Variants in LYPD6B observed in about 807,000 individuals in gnomAD.
LYPD6B encodes the protein LY6/PLAUR domain containing 6B.
LYPD6B carries 17 observed loss-of-function variants against 22.8 expected under a neutral mutation model. The ratio of observed to expected loss-of-function variants is 0.75; its 90% confidence interval spans 0.51 to 1.12. The LOEUF (loss-of-function observed/expected upper bound fraction) is 1.12, where lower values mean the gene tolerates loss of function less well. LYPD6B is among the 50% of genes most tolerant of loss of function. The probability of loss-of-function intolerance (pLI) is 0.00; values close to 1 mark genes in which losing one functional copy is unlikely to be tolerated. For missense variants in LYPD6B, 221 were observed against 258.3 expected, an observed-to-expected ratio of 0.86 and a Z score of 0.99; for synonymous variants, 106 against 91.6, an observed-to-expected ratio of 1.16 and a Z score of -0.90.
intron 3 of LYPD6B, among the ~76,000 whole-genome samples, chr2:149,199,144 T>A (rs1693005894): frequency 6.6e-6 from 1 of 152,196 alleles, no homozygotes; most frequent in Admixed American, 6.5e-5. Context: ...CACCTAAGAT[T>A]TCTTGAACCC....
chr2:149,201,971 G>T (rs1028044077), intron 3 of LYPD6B, among the ~76,000 whole-genome samples: 1 of 152,134 alleles, frequency 6.6e-6, no homozygotes, highest in Non-Finnish European at 1.5e-5. Flanking sequence ...AATGATAATG[G>T]CACTAGGGTT....
At chr2:149,089,605 A>C (rs760198816) in intron 1 of LYPD6B, among the ~76,000 whole-genome samples, 4 of 152,202 alleles carry the variant, frequency 2.6e-5, no homozygotes, top group Non-Finnish European at 5.9e-5. Context: ...ATTGTTTGAA[A>C]ATATTATGCT....
chr2:149,101,829 A>G (rs989221072), intron 1 of LYPD6B, among the ~76,000 whole-genome samples: 4 of 152,228 alleles, frequency 2.6e-5, no homozygotes, highest in African/African-American at 9.6e-5. Flanking sequence ...TCTCAATGAG[A>G]TATCAGAGGC....
chr2:149,164,545 C>T (rs2105899840), intron 3 of LYPD6B, among the ~76,000 whole-genome samples: 1 of 152,238 alleles, frequency 6.6e-6, no homozygotes, highest in East Asian at 1.9e-4. Flanking sequence ...ACACTGCTTC[C>T]AAGGAAGCCA....
chr2:149,073,364 G>C (rs2105365901), intron 1 of LYPD6B, among the ~76,000 whole-genome samples: 1 of 152,320 alleles, frequency 6.6e-6, no homozygotes, highest in Non-Finnish European at 1.5e-5. Context: ...CATGTGCCCT[G>C]AATGACACCC....
intron 3 of LYPD6B, among the ~76,000 whole-genome samples, chr2:149,179,465 G>T (rs13403081): frequency 0.019 from 2,836 of 152,266 alleles, 35 homozygotes; most frequent in Middle Eastern, 0.048. Context: ...CCTAACAGGG[G>T]TGATTAAAAA....
chr2:149,171,218 C>T (rs1690795203), intron 3 of LYPD6B, among the ~76,000 whole-genome samples: 1 of 152,120 alleles, frequency 6.6e-6, no homozygotes, highest in Non-Finnish European at 1.5e-5. Flanking sequence ...AATAGGAAGG[C>T]TCAACCCAGG....
chr2:149,208,376 T>C lies in LYPD6B; in HGVS notation c.292T>C (p.Cys98Arg), dbSNP rs768588049. The C allele has an allele frequency of 1.9e-6, 3 of 1,613,778 alleles. No individual in the cohort carries two copies. The highest frequency in any genetic ancestry group is 2.5e-6 in the Non-Finnish European group (3 of 1,179,702). The change falls in exon 5 of 7, where the codon TGC (cysteine) becomes CGC (arginine). Residue 98 changes from cysteine to arginine, a missense_variant. Transcript: ENST00000409642. Reference sequence around the variant, plus strand: ...TGAAAACGCAGGGGATAATTATAACTGCAATCGATGGGCAGAAGACAAATG... The same window carrying C: ...TGAAAACGCAGGGGATAATTATAACCGCAATCGATGGGCAGAAGACAAATG... The part of the protein sequence containing the change: ...TCENAGDNYN[C>R]NRWAEDKWCP...
intron 3 of LYPD6B, among the ~76,000 whole-genome samples, chr2:149,202,985 A>T (rs1258499455): frequency 6.6e-6 from 1 of 152,236 alleles, no homozygotes; most frequent in Non-Finnish European, 1.5e-5. Flanking sequence ...TGCACCAAAT[A>T]GCAGTTTTGG....
chr2:149,172,650 G>A (rs1157776327), intron 3 of LYPD6B, among the ~76,000 whole-genome samples: 2 of 152,114 alleles, frequency 1.3e-5, no homozygotes, highest in Admixed American at 1.3e-4. Flanking sequence ...CATTATTTCT[G>A]GGTGTGTCTG....
chr2:149,138,570 C>T (rs936858466), intron 2 of LYPD6B, among the ~76,000 whole-genome samples: 1 of 152,152 alleles, frequency 6.6e-6, no homozygotes, highest in Non-Finnish European at 1.5e-5. Context: ...GACACAGGGT[C>T]TTGCTCTGTC....
At position 149,047,457 on chromosome 2, in the gene LYPD6B, A is replaced by T. The variant is rs1683363433; in HGVS notation, c.-67+8656A>T. 3.3e-5 allele frequency among the ~76,000 whole-genome samples: 5 copies of T among 152,030 alleles called. No individual in the cohort carries two copies. The South Asian group carries it at 1.0e-3, about 32-fold the overall frequency. On this transcript the variant is annotated intron_variant, in intron 1 of 6. Transcript: ENST00000409642. ...TGCCTCTGACAAGAAGTCTTCTGTA[A>T]TTCCTATCTTTGTTCCTTTTCATTT...
chr2:149,093,930 A>G (rs1685785104), intron 1 of LYPD6B, among the ~76,000 whole-genome samples: 1 of 152,144 alleles, frequency 6.6e-6, no homozygotes, highest in South Asian at 2.1e-4. Context: ...ACTCCTTTAC[A>G]TCAATTTTGT....
intron 3 of LYPD6B, among the ~76,000 whole-genome samples, chr2:149,170,561 T>A (rs1300862458): frequency 6.6e-6 from 1 of 152,214 alleles, no homozygotes; most frequent in Non-Finnish European, 1.5e-5. Context: ...GTGTGTTCAG[T>A]TCATTTCAAG....
intron 2 of LYPD6B, among the ~76,000 whole-genome samples, chr2:149,151,290 G>A (rs1689357758): frequency 1.3e-5 from 2 of 152,150 alleles, no homozygotes; most frequent in Admixed American, 1.3e-4. Flanking sequence ...CGGGTGTGAA[G>A]GAGGACACAG....
chr2:149,049,762 G>A (rs1683466801), intron 1 of LYPD6B, among the ~76,000 whole-genome samples: 1 of 152,182 alleles, frequency 6.6e-6, no homozygotes, highest in Non-Finnish European at 1.5e-5. Flanking sequence ...AGAGGTCACA[G>A]ATGAAAGAAA....
intron 1 of LYPD6B, among the ~76,000 whole-genome samples, chr2:149,102,007 C>T (rs1686235423): frequency 6.6e-6 from 1 of 152,182 alleles, no homozygotes; most frequent in Admixed American, 6.5e-5. Flanking sequence ...CTTAATTAGA[C>T]ATACCAGCCA....
chr2:149,177,835 GTT>G (rs35470511), intron 3 of LYPD6B, among the ~76,000 whole-genome samples: 60 of 131,838 alleles, frequency 4.6e-4, no homozygotes, highest in South Asian at 7.4e-4. Flanking sequence ...TTCTGCAAGA[GTT>G]TTTTTTTTTT....
intron 1 of LYPD6B, among the ~76,000 whole-genome samples, chr2:149,059,957 T>C (rs948458318): frequency 1.3e-5 from 2 of 151,686 alleles, no homozygotes; most frequent in African/African-American, 4.9e-5. Flanking sequence ...GTGAGGGAGT[T>C]GGTGGATTTG....
Sources: allele counts gnomAD v4.1 joint callset (sites outside exome capture counted in the v4.1 genomes callset), GRCh38; gene constraint gnomAD v4.1.1; transcripts MANE v1.5; gene names NCBI Gene and HGNC (gene_info 2026-07-23, HGNC 2026-07-21).